SGIP1: variants seen among roughly 807,000 people sequenced by gnomAD.
The protein encoded by SGIP1 is SH3GL interacting endocytic adaptor 1, also known as SH3-containing GRB2-like protein 3-interacting protein 1.
Under a neutral mutation model 107.5 loss-of-function variants are expected in SGIP1, and 38 were observed. The ratio of observed to expected loss-of-function variants is 0.35; its 90% confidence interval spans 0.27 to 0.46. The LOEUF (loss-of-function observed/expected upper bound fraction) is 0.46, where lower values mean the gene tolerates loss of function less well. SGIP1 is among the 20% of genes least tolerant of loss of function. The pLI is 1.00. For missense variants in SGIP1, 929 were observed against 1,019.5 expected (o/e 0.91, Z 1.21); for synonymous variants, 365 against 366.1 (o/e 1.00, Z 0.03).
intron 19 of SGIP1, among the ~76,000 whole-genome samples, chr1:66,727,820 G>T (rs1194216711): frequency 2.6e-5 from 4 of 152,146 alleles, no homozygotes; most frequent in Non-Finnish European, 5.9e-5. Context: ...AATTGCAAAT[G>T]AAGTTATAGT....
In SGIP1 at chr1:66,670,975, G is replaced by A. The variant is rs1385984100; in HGVS notation, c.484-20G>A. 1.5e-6 allele frequency: 2 copies of A among 1,308,960 alleles called. No individual in the cohort carries two copies. The highest frequency in any genetic ancestry group is 2.1e-6 in the Non-Finnish European group (2 of 936,924). The allele number at this position is 1,308,960 out of a possible 1,614,324, so 81.1% of individuals were successfully genotyped here. On this transcript the variant is annotated intron_variant, in intron 9 of 24. Transcript: ENST00000371037. ...CATATATGTGGTCTTAAACCTTATA[G>A]TGTCTATTTCTAATTCTAGGGTGCA...
chr1:66,749,907 T>G lies in SGIP1; in HGVS notation c.*6812T>G, dbSNP rs1055390832. On this transcript the variant is annotated 3_prime_UTR_variant, in exon 25 of 25. Coordinates refer to ENST00000371037, the MANE Select transcript of SGIP1 (RefSeq NM_032291.4). ...CAAGTTGCTAGAATGATAATTCATA[T>G]AGCTGTGTTGATTTTTCAGGTCAGA... Among the ~76,000 whole-genome samples the G allele has an allele frequency of 6.6e-6, 1 of 152,074 alleles. No homozygotes were observed. Among genetic ancestry groups the G allele is most frequent in the Admixed American group, 6.6e-5 (1 of 15,260 alleles).
intron 1 of SGIP1, among the ~76,000 whole-genome samples, chr1:66,596,363 C>A (rs1017086771): frequency 1.3e-5 from 2 of 152,076 alleles, no homozygotes; most frequent in African/African-American, 4.8e-5. Context: ...GCAGGAAAGT[C>A]CCCTGTGTGG....
At chr1:66,651,468 A>T (rs914661952) in intron 7 of SGIP1, among the ~76,000 whole-genome samples, 21 of 151,932 alleles carry the variant, frequency 1.4e-4, no homozygotes, top group African/African-American at 3.9e-4. Context: ...ACTAGTTTTG[A>T]TGAAAGCCAT....
intron 3 of SGIP1, 101 bp from the exon 4 acceptor site, chr1:66,635,843 C>T: frequency 1.6e-6 from 2 of 1,243,462 alleles, no homozygotes; most frequent in Non-Finnish European, 2.3e-6. Context: ...ATGGTTTCTT[C>T]TATGGTATGT....
At chr1:66,674,343 C>G (rs2084655157) in intron 12 of SGIP1, among the ~76,000 whole-genome samples, 1 of 152,112 alleles carries the variant, frequency 6.6e-6, no homozygotes, top group East Asian at 1.9e-4. Flanking sequence ...AATCAGCTCT[C>G]TATAAAATGG....
At chr1:66,618,056 A>G (rs542135634) in intron 1 of SGIP1, among the ~76,000 whole-genome samples, 1 of 152,350 alleles carries the variant, frequency 6.6e-6, no homozygotes, top group South Asian at 2.1e-4. Flanking sequence ...ATCTTATTAA[A>G]TTGTGTTGAA....
intron 1 of SGIP1, among the ~76,000 whole-genome samples, chr1:66,592,526 C>T (rs1192942013): frequency 6.6e-6 from 1 of 152,200 alleles, no homozygotes; most frequent in East Asian, 1.9e-4. Flanking sequence ...GACACAGTAA[C>T]AGTCTGATCT....
At chr1:66,726,953 A>C (rs1175692008) in intron 19 of SGIP1, among the ~76,000 whole-genome samples, 10 of 152,228 alleles carry the variant, frequency 6.6e-5, no homozygotes, top group African/African-American at 2.2e-4. Flanking sequence ...TCTGGGTGAC[A>C]GAGAAAGATC....
chr1:66,738,011 C>T (rs1421382359), intron 21 of SGIP1, among the ~76,000 whole-genome samples: 2 of 151,744 alleles, frequency 1.3e-5, no homozygotes, highest in South Asian at 4.2e-4. Flanking sequence ...AGGTTGAGAA[C>T]TACTGCTGAG....
chr1:66,583,789 T>C (rs1281029821), intron 1 of SGIP1, among the ~76,000 whole-genome samples: 3 of 152,134 alleles, frequency 2.0e-5, no homozygotes, highest in African/African-American at 7.2e-5. Context: ...ATCAGCCCCA[T>C]GAAGGGAGGA....
intron 19 of SGIP1, among the ~76,000 whole-genome samples, 195 bp downstream of exon 19, chr1:66,719,600 A>G (rs1262545669): frequency 6.6e-6 from 1 of 152,224 alleles, no homozygotes; most frequent in African/African-American, 2.4e-5. Flanking sequence ...AAATGTATCA[A>G]GAGAATTTAC....
chr1:66,697,018 C>T (rs1192640339), intron 18 of SGIP1, among the ~76,000 whole-genome samples: 1 of 152,124 alleles, frequency 6.6e-6, no homozygotes, highest in East Asian at 1.9e-4. Flanking sequence ...TTCTTTTAAC[C>T]AGGAAAGTAA....
intron 8 of SGIP1, chr1:66,666,531 G>A (rs148360989): frequency 0.014 from 2,119 of 152,948 alleles, 29 homozygotes; most frequent in Middle Eastern, 0.033. Flanking sequence ...AGCTTGATGG[G>A]AATGGCATTG....
rs765928425 is a variant in SGIP1 at position 66,673,354 on chromosome 1, C to G, written c.634C>G (p.Gln212Glu). The G allele has an allele frequency of 1.2e-4, 193 of 1,601,586 alleles. No homozygotes were observed. The highest frequency in any genetic ancestry group is 1.6e-4 in the Non-Finnish European group (192 of 1,177,134). The change falls in exon 12 of 25, where the codon CAG becomes GAG. Residue 212 changes from glutamine (Q) to glutamate (E), a missense_variant. This residue lies in a region of SGIP1 where 588 missense variants were observed against 588.6 expected (regional missense o/e 1.00). Coordinates refer to ENST00000371037, the MANE Select transcript of SGIP1 (RefSeq NM_032291.4). ...ACCACTAGAATCAGCTTTTGATGAA[C>G]AGAAGACAGAAGGTAGGAAAAGAAA... The part of the protein sequence containing the change: ...GPPLESAFDE[Q>E]KTEVLLDQPE...
intron 18 of SGIP1, among the ~76,000 whole-genome samples, chr1:66,718,142 T>A (rs1337410774): frequency 6.6e-6 from 1 of 152,128 alleles, no homozygotes; most frequent in Non-Finnish European, 1.5e-5. Flanking sequence ...TGGTAGATTA[T>A]GTTCAGACTT....
At chr1:66,683,909 G>A (rs1557615654) in intron 15 of SGIP1, among the ~76,000 whole-genome samples, 1 of 151,614 alleles carries the variant, frequency 6.6e-6, no homozygotes. Context: ...TAGAGACAGA[G>A]TTTCACCATA....
intron 1 of SGIP1, among the ~76,000 whole-genome samples, chr1:66,597,313 T>C (rs2148966714): frequency 6.6e-6 from 1 of 152,362 alleles, no homozygotes; most frequent in African/African-American, 2.4e-5. Context: ...ATGCAGTATT[T>C]GGTCTTCTAT....
chr1:66,749,509 C>A lies in SGIP1; in HGVS notation c.*6414C>A, dbSNP rs1477046290. Among the ~76,000 whole-genome samples the A allele has an allele frequency of 6.7e-6, 1 of 149,864 alleles. No individual in the cohort carries two copies. Among genetic ancestry groups the A allele is most frequent in the African/African-American group, 2.5e-5 (1 of 40,692 alleles). Reference sequence around the variant, plus strand: ...ACTTTGCCAATCAGTTACTTTTATACCAAATTAACGAAGTTTCTTTAAAAA... The same window carrying A: ...ACTTTGCCAATCAGTTACTTTTATAACAAATTAACGAAGTTTCTTTAAAAA... On this transcript the variant is annotated 3_prime_UTR_variant, in exon 25 of 25. Transcript: ENST00000371037.
Sources: allele counts gnomAD v4.1 joint callset (sites outside exome capture counted in the v4.1 genomes callset), GRCh38; gene constraint gnomAD v4.1.1; regional missense constraint gnomAD v4.1.1; transcripts MANE v1.5; gene names NCBI Gene and HGNC (gene_info 2026-07-23, HGNC 2026-07-21).